RALYL: variants seen among roughly 807,000 people sequenced by gnomAD.
RALYL encodes RALY RNA binding protein like, also known as RNA-binding Raly-like protein.
In RALYL, 29 loss-of-function variants were observed where a neutral mutation model predicts 35.1. The ratio of observed to expected loss-of-function variants is 0.83; its 90% CI spans 0.61 to 1.13. The LOEUF is 1.13. Among genes scored for constraint, RALYL ranks in the 50% most tolerant of loss-of-function variants. The pLI is 0.00. For synonymous variants in RALYL, 120 were observed against 127.6 expected, an observed-to-expected ratio of 0.94 and a Z score of 0.40; for missense variants, 359 against 360.4, an observed-to-expected ratio of 1.00 and a Z score of 0.03.
chr8:84,460,109 G>A (rs1044985461), intron 1 of RALYL, among the ~76,000 whole-genome samples: 4 of 151,700 alleles, frequency 2.6e-5, no homozygotes, highest in African/African-American at 4.8e-5. Flanking sequence ...TATACCTGGA[G>A]GTTATACACA....
intron 3 of RALYL, among the ~76,000 whole-genome samples, chr8:84,779,166 T>A (rs79317696): frequency 0.034 from 5,227 of 152,324 alleles, 290 homozygotes; most frequent in African/African-American, 0.12. Context: ...ATACGTTATG[T>A]ACATTACACA....
At chr8:84,562,343 T>G (rs887604820) in intron 2 of RALYL, among the ~76,000 whole-genome samples, 5 of 151,916 alleles carry the variant, frequency 3.3e-5, no homozygotes, top group African/African-American at 1.2e-4. Context: ...TGATAAACTT[T>G]GGTCATACCA....
At chr8:84,913,017 T>TA (rs1169566862) in intron 8 of RALYL, among the ~76,000 whole-genome samples, 11 of 135,346 alleles carry the variant, frequency 8.1e-5, no homozygotes, top group Middle Eastern at 7.3e-3. Context: ...GATGGATGGA[T>TA]GGATGGATGG....
chr8:84,311,093 G>GAAAAAA (rs1354856646), intron 1 of RALYL, among the ~76,000 whole-genome samples: 3 of 77,216 alleles, frequency 3.9e-5, no homozygotes, highest in Non-Finnish European at 7.3e-5. Flanking sequence ...AAAAAAAAAT[G>GAAAAAA]TATATTAATG....
intron 2 of RALYL, among the ~76,000 whole-genome samples, chr8:84,644,940 C>G (rs1827169598): frequency 6.6e-6 from 1 of 151,666 alleles, no homozygotes; most frequent in African/African-American, 2.4e-5. Context: ...TTAATAGAGA[C>G]AGTTTCCCCA....
chr8:84,654,336 C>T (rs539451633), intron 2 of RALYL, among the ~76,000 whole-genome samples: 20 of 111,526 alleles, frequency 1.8e-4, no homozygotes, highest in African/African-American at 5.9e-4. Context: ...TATAGGTATG[C>T]TACATGAGAT....
chr8:84,843,308 T>C (rs1487218223), intron 4 of RALYL, among the ~76,000 whole-genome samples: 2 of 152,054 alleles, frequency 1.3e-5, no homozygotes, highest in African/African-American at 2.4e-5. Flanking sequence ...TCACAAGCAC[T>C]CTTATACACC....
rs923916931 is a variant in RALYL, at chr8:84,350,631, G to A, written c.-24+166207G>A. On this transcript the variant is annotated intron_variant, in intron 1 of 8. Transcript: ENST00000521268. ...GCACTAGTAAACTTCACAAAGCCAC[G>A]TTAATCAGAGTGCTACACCATTTAC... is the stretch of plus-strand genomic sequence containing the variant. 6.7e-5 allele frequency among the ~76,000 whole-genome samples: 10 copies of A among 150,052 alleles called. 1 individual carries two copies. Among genetic ancestry groups the A allele is most frequent in the Admixed American group, 4.0e-4 (6 of 15,104 alleles).
intron 1 of RALYL, among the ~76,000 whole-genome samples, chr8:84,514,152 CTAAA>C (rs1173030887): frequency 1.8e-5 from 1 of 57,044 alleles, no homozygotes. Flanking sequence ...AAAGGAATAC[CTAAA>C]TACCTATGTT....
intron 2 of RALYL, among the ~76,000 whole-genome samples, chr8:84,765,797 C>A (rs1813789586): frequency 6.6e-6 from 1 of 151,456 alleles, no homozygotes; most frequent in Non-Finnish European, 1.5e-5. Flanking sequence ...AGTCTGCATG[C>A]CATGACTGAA....
intron 1 of RALYL, among the ~76,000 whole-genome samples, chr8:84,239,385 T>C (rs1433543471): frequency 6.6e-6 from 1 of 152,182 alleles, no homozygotes; most frequent in East Asian, 1.9e-4. Flanking sequence ...AACTGTAATA[T>C]GCTTAAGTAG....
intron 1 of RALYL, among the ~76,000 whole-genome samples, chr8:84,261,966 A>G (rs910528023): frequency 2.0e-5 from 3 of 152,154 alleles, no homozygotes; most frequent in Admixed American, 6.5e-5. Context: ...TAATAAAGAC[A>G]CTTGACAGAG....
chr8:84,485,840 A>G (rs2054553048), intron 1 of RALYL, among the ~76,000 whole-genome samples: 1 of 152,038 alleles, frequency 6.6e-6, no homozygotes, highest in African/African-American at 2.4e-5. Context: ...CATTATTATC[A>G]TTACGTCTTG....
intron 2 of RALYL, among the ~76,000 whole-genome samples, chr8:84,559,954 A>C (rs951078496): frequency 6.6e-6 from 1 of 151,640 alleles, no homozygotes; most frequent in African/African-American, 2.4e-5. Context: ...CCTACAATCA[A>C]GTGTAGGCAA....
At chr8:84,565,539 G>T (rs1332613901) in intron 2 of RALYL, among the ~76,000 whole-genome samples, 1 of 151,232 alleles carries the variant, frequency 6.6e-6, no homozygotes, top group Admixed American at 6.6e-5. Flanking sequence ...GATTACTGAG[G>T]GTTGAAAAAA....
chr8:84,216,905 T>C (rs1168975062), intron 1 of RALYL, among the ~76,000 whole-genome samples: 1 of 152,134 alleles, frequency 6.6e-6, no homozygotes, highest in African/African-American at 2.4e-5. Context: ...CTCATCCATA[T>C]GAGCTAATTC....
intron 2 of RALYL, among the ~76,000 whole-genome samples, chr8:84,623,181 T>C (rs1251497577): frequency 6.6e-6 from 1 of 152,226 alleles, no homozygotes; most frequent in African/African-American, 2.4e-5. Context: ...TGGGACATGC[T>C]GTTAGATTTG....
At chr8:84,505,622 C>T (rs565731217) in intron 1 of RALYL, among the ~76,000 whole-genome samples, 13 of 151,744 alleles carry the variant, frequency 8.6e-5, no homozygotes, top group African/African-American at 1.7e-4. Flanking sequence ...GTATATTGCA[C>T]GACACTGAGG....
intron 1 of RALYL, among the ~76,000 whole-genome samples, chr8:84,193,730 C>G (rs987622273): frequency 1.3e-5 from 2 of 152,114 alleles, no homozygotes; most frequent in African/African-American, 4.8e-5. Flanking sequence ...GCAAAATTAG[C>G]ATTTGTTGTC....
Sources: gnomAD v4.1 joint callset for allele counts (sites outside exome capture counted in the v4.1 genomes callset) on GRCh38, gnomAD v4.1.1 for gene constraint, MANE v1.5 for transcripts, NCBI Gene and HGNC (gene_info 2026-07-23, HGNC 2026-07-21) for gene names.